The following CRB1 variants were observed in gnomAD, a reference collection of about 807,000 sequenced individuals.
The protein encoded by CRB1 is crumbs cell polarity complex component 1.
Under a neutral mutation model 120.0 loss-of-function variants are expected in CRB1, and 83 were observed. The observed-to-expected ratio is 0.69, with a 90% confidence interval of 0.58 to 0.83. The LOEUF is 0.83. Among genes scored for constraint, CRB1 ranks in the 40% least tolerant of loss-of-function variants. The pLI is 0.00. For synonymous variants in CRB1, 625 were observed against 612.5 expected, an observed-to-expected ratio of 1.02 and a Z score of -0.30; for missense variants, 1,699 against 1,687.6, an observed-to-expected ratio of 1.01 and a Z score of -0.12.
chr1:197,207,161 C>A, the CRB1 span, among the ~76,000 whole-genome samples: 1 of 152,098 alleles, frequency 6.6e-6, no homozygotes, highest in East Asian at 1.9e-4. Context: ...GAATTCTTAT[C>A]CATTCTGCCA....
At position 197,453,539 on chromosome 1, in the gene CRB1, T is replaced by TAGAG. The variant is rs1181738570; in HGVS notation, c.4005+11255_4005+11258dup. 6.2e-4 allele frequency among the ~76,000 whole-genome samples: 36 copies of TAGAG among 58,510 alleles called. 1 individual carries two copies. Among genetic ancestry groups the TAGAG allele is most frequent in the Admixed American group, 2.1e-3 (8 of 3,740 alleles). 38.4% of individuals were successfully genotyped at this position (58,510 alleles called of 152,430 possible). On this transcript the variant is annotated intron_variant, in intron 11 of 11. Transcript: ENST00000367400. Reference sequence around the variant, plus strand: ...GTGTGTGTGTGTATATATATATATATAGAGAGAGAGACAGAGAGAGAGAGA... The same window carrying TAGAG: ...GTGTGTGTGTGTATATATATATATATAGAGAGAGAGAGAGACAGAGAGAGAGAGA...
intron 1 of CRB1, among the ~76,000 whole-genome samples, chr1:197,323,440 T>C (rs955625778): frequency 6.6e-6 from 1 of 152,200 alleles, no homozygotes; most frequent in Non-Finnish European, 1.5e-5. Flanking sequence ...CACTTTTAGC[T>C]TTACTGTGAG....
Position 197,427,935 on chromosome 1 carries a change from C to G in CRB1, c.2610C>G (p.Asn870Lys). 6.2e-7 allele frequency: 1 copy of G among 1,614,022 alleles called. No individual in the cohort carries two copies. Among genetic ancestry groups the G allele is most frequent in the Non-Finnish European group, 8.5e-7 (1 of 1,179,962 alleles). Residue 870 changes from asparagine to lysine, a missense_variant, in exon 7 of 12, where the codon AAC becomes AAG. Transcript: ENST00000367400. ...QNLEFFPNPT[N>K]NASLNPVLVN... Reference sequence around the variant, plus strand: ...TGGAATTCTTTCCAAATCCAACAAACAATGCATCTCTCAATCCAGTTCTTG... The same window carrying G: ...TGGAATTCTTTCCAAATCCAACAAAGAATGCATCTCTCAATCCAGTTCTTG...
chr1:197,389,421 A>G (rs1042260237), intron 5 of CRB1, among the ~76,000 whole-genome samples: 15 of 152,184 alleles, frequency 9.9e-5, no homozygotes, highest in African/African-American at 3.6e-4. Context: ...GAAATATGTT[A>G]AGTGAAATAA....
chr1:197,363,852 G>A (rs977297369), intron 5 of CRB1: 1 of 865,910 alleles, frequency 1.2e-6, no homozygotes, highest in Non-Finnish European at 2.0e-6. Context: ...CCAGGACTGT[G>A]ATGGTATAGG....
the CRB1 span, among the ~76,000 whole-genome samples, chr1:197,203,095 CAG>C: frequency 1.3e-5 from 2 of 151,858 alleles, no homozygotes; most frequent in African/African-American, 4.8e-5. Context: ...TTCGTATTAA[CAG>C]AATGAAAGAT....
At chr1:197,332,645 A>T (rs977291063) in intron 2 of CRB1, among the ~76,000 whole-genome samples, 1 of 152,180 alleles carries the variant, frequency 6.6e-6, no homozygotes, top group Non-Finnish European at 1.5e-5. Flanking sequence ...CTCAGCCCTG[A>T]CTACTCATTA....
intron 5 of CRB1, among the ~76,000 whole-genome samples, chr1:197,370,156 T>A (rs1661295653): frequency 6.6e-6 from 1 of 152,070 alleles, no homozygotes. Context: ...CAGCTCTAAA[T>A]CTTGAAACAG....
At chr1:197,267,060 G>A (rs1225903743), upstream of CRB1, among the ~76,000 whole-genome samples, 1 of 152,140 alleles carries the variant, frequency 6.6e-6, no homozygotes, top group East Asian at 1.9e-4. Context: ...TAGAAATCAT[G>A]GGAAGACTCT....
At chr1:197,449,330 T>C (rs1253319174) in intron 11 of CRB1, among the ~76,000 whole-genome samples, 1 of 152,122 alleles carries the variant, frequency 6.6e-6, no homozygotes, top group Non-Finnish European at 1.5e-5. Flanking sequence ...ATGAATGAAT[T>C]CTTTTATGTT....
At chr1:197,474,923 A>G (rs374806534) in intron 11 of CRB1, among the ~76,000 whole-genome samples, 3 of 152,050 alleles carry the variant, frequency 2.0e-5, no homozygotes, top group African/African-American at 4.8e-5. Flanking sequence ...CAGCCTTTTG[A>G]CCTTTCAAGC....
intron 1 of CRB1, among the ~76,000 whole-genome samples, chr1:197,306,489 G>A (rs1657182376): frequency 6.6e-6 from 1 of 152,168 alleles, no homozygotes; most frequent in Non-Finnish European, 1.5e-5. Context: ...AGGCTGAGCA[G>A]AAAACTGAAA....
chr1:197,271,109 G>T (rs1339703063), intron 1 of CRB1, among the ~76,000 whole-genome samples: 1 of 152,060 alleles, frequency 6.6e-6, no homozygotes, highest in East Asian at 1.9e-4. Context: ...TGAGGTGGGA[G>T]GATCGCTTGA....
intron 5 of CRB1, among the ~76,000 whole-genome samples, chr1:197,412,659 A>C (rs1663770544): frequency 6.6e-6 from 1 of 152,258 alleles, no homozygotes; most frequent in South Asian, 2.1e-4. Context: ...TTGGTCCTCA[A>C]GGCTGTTGTC....
intron 2 of CRB1, among the ~76,000 whole-genome samples, chr1:197,331,418 A>C (rs1658851564): frequency 6.6e-6 from 1 of 152,204 alleles, no homozygotes; most frequent in African/African-American, 2.4e-5. Context: ...AATTGTCAAT[A>C]CTATCTAAAA....
At chr1:197,344,178 A>C in intron 2 of CRB1, 103 bp from the exon 3 acceptor site, 1 of 1,130,760 alleles carries the variant, frequency 8.8e-7, no homozygotes, top group East Asian at 2.3e-5. Context: ...GGGTAACAGA[A>C]CATTTGACAA....
intron 4 of CRB1, among the ~76,000 whole-genome samples, chr1:197,348,509 C>T (rs139455071): frequency 2.2e-3 from 342 of 152,278 alleles, no homozygotes; most frequent in African/African-American, 7.8e-3. Flanking sequence ...CGGAGTCTCT[C>T]TCTGTCGCCC....
At chr1:197,467,163 A>G (rs1666784168) in intron 11 of CRB1, among the ~76,000 whole-genome samples, 1 of 152,204 alleles carries the variant, frequency 6.6e-6, no homozygotes, top group Non-Finnish European at 1.5e-5. Flanking sequence ...CCTTATAAAA[A>G]TTGTTTGTTA....
At chr1:197,404,542 A>C (rs1663243779) in intron 5 of CRB1, among the ~76,000 whole-genome samples, 1 of 150,010 alleles carries the variant, frequency 6.7e-6, no homozygotes, top group Non-Finnish European at 1.5e-5. Context: ...GGTTTTGTTT[A>C]ATTCAGCACC....
Sources: gnomAD v4.1 joint callset for allele counts (sites outside exome capture counted in the v4.1 genomes callset) on GRCh38, gnomAD v4.1.1 for gene constraint, MANE v1.5 for transcripts, NCBI Gene and HGNC (gene_info 2026-07-23, HGNC 2026-07-21) for gene names.